ARHGAP39: variants seen among roughly 807,000 people sequenced by gnomAD.
The protein encoded by ARHGAP39 is Rho GTPase activating protein 39, also known as rho GTPase-activating protein 39.
ARHGAP39 carries 44 observed loss-of-function variants against 106.9 expected under a neutral mutation model. The ratio of observed to expected loss-of-function variants is 0.41; its 90% confidence interval spans 0.32 to 0.53. The LOEUF (loss-of-function observed/expected upper bound fraction) is 0.53, where lower values mean the gene tolerates loss of function less well. Among genes scored for constraint, ARHGAP39 ranks in the 20% least tolerant of loss-of-function variants. ARHGAP39 has a pLI of 0.21. For missense variants in ARHGAP39, 1,496 were observed against 1,577.3 expected (o/e 0.95, Z 0.87); for synonymous variants, 768 against 693.2 (o/e 1.11, Z -1.69).
At chr8:144,620,316 C>T (rs1451900669) in intron 1 of ARHGAP39, among the ~76,000 whole-genome samples, 3 of 32,938 alleles carry the variant, frequency 9.1e-5, no homozygotes, top group East Asian at 1.0e-3. Context: ...CGTGTGTGCC[C>T]GTGTCTGTTA....
Position 144,601,320 on chromosome 8 carries a change from G to C in ARHGAP39, c.80+4215C>G, listed in dbSNP as rs1281527013. 5.4e-5 allele frequency among the ~76,000 whole-genome samples: 8 copies of C among 148,396 alleles called. No homozygotes were observed. The South Asian group carries it at 1.7e-3, about 32-fold the overall frequency. ...CGTGCTCATGTACCTGTGTGTGTGTGTGGAGGCGTGTGTGTGCTCGTGTAC... is the reference window on the plus strand; with the variant it reads ...CGTGCTCATGTACCTGTGTGTGTGTCTGGAGGCGTGTGTGTGCTCGTGTAC... On this transcript the variant is annotated intron_variant, in intron 2 of 11. Coordinates refer to ENST00000377307, the MANE Select transcript of ARHGAP39 (RefSeq NM_025251.3).
intron 2 of ARHGAP39, among the ~76,000 whole-genome samples, chr8:144,594,287 A>C (rs959209555): frequency 1.3e-5 from 2 of 152,194 alleles, no homozygotes; most frequent in African/African-American, 4.8e-5. Context: ...GGTAAAAGCC[A>C]TAATAAGTGT....
chr8:144,676,450 GCTAGACACAC>G (rs1214781175), intron 1 of ARHGAP39, among the ~76,000 whole-genome samples: 1 of 125,730 alleles, frequency 8.0e-6, no homozygotes, highest in African/African-American at 4.7e-5. Flanking sequence ...CAAACCTTGA[GCTAGACACAC>G]GTGCTGCTGA....
At chr8:144,560,690 C>CGG (rs1818109702) in intron 3 of ARHGAP39, among the ~76,000 whole-genome samples, 1 of 152,128 alleles carries the variant, frequency 6.6e-6, no homozygotes, top group Non-Finnish European at 1.5e-5. Flanking sequence ...CGAGGACCAG[C>CGG]GGTGCGCGGG....
At chr8:144,686,934 T>TGTGACCACGCACTGGCGGTGAGCAC (rs1822609147), upstream of ARHGAP39, among the ~76,000 whole-genome samples, 1 of 18,724 alleles carries the variant, frequency 5.3e-5, no homozygotes, top group Non-Finnish European at 1.1e-4. Flanking sequence ...GCGGCGACCA[T>TGTGACCACGCACTGGCGGTGAGCAC]TTCCCACCCC....
chr8:144,664,407 G>C (rs1232383652), intron 1 of ARHGAP39, among the ~76,000 whole-genome samples: 1 of 152,186 alleles, frequency 6.6e-6, no homozygotes, highest in Non-Finnish European at 1.5e-5. Context: ...TTCTGTGAAG[G>C]GCAAGGCCAC....
intron 1 of ARHGAP39, among the ~76,000 whole-genome samples, chr8:144,639,706 G>A (rs1226586106): frequency 6.6e-6 from 1 of 151,934 alleles, no homozygotes; most frequent in African/African-American, 2.4e-5. Context: ...AGTAGAAGAC[G>A]CCACAATCAC....
intron 1 of ARHGAP39, among the ~76,000 whole-genome samples, chr8:144,682,609 C>T (rs1822456510): frequency 6.6e-6 from 1 of 151,292 alleles, no homozygotes. Flanking sequence ...CAGAATGTTA[C>T]ACTGCTGGTG....
At chr8:144,573,052 C>T (rs1818640105) in intron 3 of ARHGAP39, among the ~76,000 whole-genome samples, 1 of 152,126 alleles carries the variant, frequency 6.6e-6, no homozygotes, top group Admixed American at 6.5e-5. Flanking sequence ...GGCAATTCGT[C>T]AAGGATTTAG....
At chr8:144,544,270 C>T (rs554650214) in intron 6 of ARHGAP39, among the ~76,000 whole-genome samples, 2 of 152,390 alleles carry the variant, frequency 1.3e-5, no homozygotes, top group South Asian at 2.1e-4. Context: ...GAACCTCCCA[C>T]TGCCCTGTGG....
chr8:144,560,784 T>C (rs1272336254), intron 3 of ARHGAP39, among the ~76,000 whole-genome samples: 1 of 152,212 alleles, frequency 6.6e-6, no homozygotes, highest in African/African-American at 2.4e-5. Flanking sequence ...ACGTCAACAC[T>C]ACTAGAGCAA....
At chr8:144,620,140 T>C (rs1295621262) in intron 1 of ARHGAP39, among the ~76,000 whole-genome samples, 3 of 146,420 alleles carry the variant, frequency 2.0e-5, no homozygotes, top group African/African-American at 7.6e-5. Context: ...TGAGCCTGTG[T>C]GTCCCTGAGA....
intron 2 of ARHGAP39, among the ~76,000 whole-genome samples, chr8:144,598,779 C>T (rs1381016061): frequency 6.6e-6 from 1 of 152,210 alleles, no homozygotes; most frequent in Non-Finnish European, 1.5e-5. Flanking sequence ...GATGGCCAAC[C>T]TGACTACACA....
chr8:144,537,615 A>AC, intron 7 of ARHGAP39, 106 bp downstream of exon 7: 4 of 564,710 alleles, frequency 7.1e-6, no homozygotes, highest in South Asian at 1.7e-5. Context: ...TAGTGGCCCC[A>AC]TCCCCCCCGC....
At chr8:144,534,974 C>T (rs977766049) in intron 7 of ARHGAP39, among the ~76,000 whole-genome samples, 1 of 152,174 alleles carries the variant, frequency 6.6e-6, no homozygotes, top group African/African-American at 2.4e-5. Context: ...CCTTCCTGCT[C>T]CAGGTCGGGA....
At chr8:144,666,065 T>C (rs1247312845) in intron 1 of ARHGAP39, among the ~76,000 whole-genome samples, 2 of 152,214 alleles carry the variant, frequency 1.3e-5, no homozygotes, top group African/African-American at 2.4e-5. Context: ...TGAATCAGCA[T>C]GACCTGGATG....
At chr8:144,688,907 T>C (rs974021655), upstream of ARHGAP39, among the ~76,000 whole-genome samples, 4 of 152,018 alleles carry the variant, frequency 2.6e-5, no homozygotes, top group African/African-American at 9.7e-5. Context: ...CAAAATAATA[T>C]AGATCTAAAA....
At chr8:144,626,923 A>C (rs2130973380) in intron 1 of ARHGAP39, among the ~76,000 whole-genome samples, 1 of 152,332 alleles carries the variant, frequency 6.6e-6, no homozygotes, top group African/African-American at 2.4e-5. Flanking sequence ...CAGCCCCCAC[A>C]AGACATCCCT....
intron 1 of ARHGAP39, among the ~76,000 whole-genome samples, chr8:144,632,508 C>T (rs1027334660): frequency 1.3e-5 from 2 of 152,192 alleles, no homozygotes; most frequent in Non-Finnish European, 2.9e-5. Flanking sequence ...GTGGAACTGG[C>T]GAATCGAGGG....
Sources: allele counts gnomAD v4.1 joint callset (sites outside exome capture counted in the v4.1 genomes callset), GRCh38; gene constraint gnomAD v4.1.1; transcripts MANE v1.5; gene names NCBI Gene and HGNC (gene_info 2026-07-23, HGNC 2026-07-21).